Variants in BRD9 observed in about 807,000 individuals in gnomAD.
BRD9 encodes the protein bromodomain-containing protein 9.
In BRD9, 47 loss-of-function variants were observed where a neutral mutation model predicts 68.7. That is an observed-to-expected ratio of 0.68 (90% confidence interval 0.54 to 0.87). The LOEUF is 0.87. Among genes scored for constraint, BRD9 ranks in the 40% least tolerant of loss-of-function variants. The probability of loss-of-function intolerance (pLI) is 0.00; values close to 1 mark genes in which losing one functional copy is unlikely to be tolerated. For synonymous variants in BRD9, 313 were observed against 293.9 expected (o/e 1.06, Z -0.67); for missense variants, 670 against 748.4 (o/e 0.90, Z 1.22).
rs761178547 is a variant in BRD9 at position 889,058 on chromosome 5, A to G, written c.569T>C (p.Ile190Thr). The G allele has an allele frequency of 3.1e-6, 5 of 1,609,966 alleles. No individual in the cohort carries two copies. The African/African-American group carries it at 4.0e-5, about 13-fold the overall frequency. ...PMDFGTMKDK[I>T]VANEYKSVTE... ...AACTGACTTGTATTCATTAGCTACAATTTTGTCTTTCATGGTGCCAAAATC... is the reference window on the plus strand; with the variant it reads ...AACTGACTTGTATTCATTAGCTACAGTTTTGTCTTTCATGGTGCCAAAATC... The change falls in exon 5 of 16, where the codon ATT becomes ACT. Residue 190 changes from isoleucine to threonine, a missense_variant. Physicochemically the swap from Ile to Thr is moderately conservative, Grantham distance 89 (BLOSUM62 -1). This residue lies in a region of BRD9 where 94 missense variants were observed against 157.2 expected (regional missense o/e 0.60). Coordinates refer to ENST00000467963, the MANE Select transcript of BRD9 (RefSeq NM_023924.5).
At chr5:871,842 G>A (rs538003552) in intron 12 of BRD9, among the ~76,000 whole-genome samples, 4 of 152,340 alleles carry the variant, frequency 2.6e-5, no homozygotes, top group Non-Finnish European at 4.4e-5. Context: ...AGAGGACGCC[G>A]ATGCTGTTTC....
Position 863,966 on chromosome 5 carries a change from A to G in BRD9, c.*502T>C, listed in dbSNP as rs1748968974. ...GGACTGATACAGAATGAGGCCAGACACACCCATGCCTGTGCCTCCCAAGAG... is the reference window on the plus strand; with the variant it reads ...GGACTGATACAGAATGAGGCCAGACGCACCCATGCCTGTGCCTCCCAAGAG... On this transcript the variant is annotated 3_prime_UTR_variant, in exon 16 of 16. Transcript: ENST00000467963. The G allele has an allele frequency of 6.5e-6, 1 of 154,604 alleles. No individual in the cohort carries two copies. Among genetic ancestry groups the G allele is most frequent in the Non-Finnish European group, 1.4e-5 (1 of 69,526 alleles). The allele number at this position is 154,604 out of a possible 1,614,324, so 9.6% of individuals were successfully genotyped here.
chr5:878,304 G>A (rs1553985569), intron 11 of BRD9, 51 bp downstream of exon 11: 2 of 1,604,342 alleles, frequency 1.2e-6, no homozygotes, highest in South Asian at 2.2e-5. Context: ...CCACACCAGG[G>A]CACAGCTCAA....
rs970533311 is a variant in BRD9, at chr5:864,250, C to T, written c.*218G>A. ...TGTACAGAGACTCTCTCTGCTGACA[C>T]GATGGCCATATGGCCTTCGCGTATG... On this transcript the variant is annotated 3_prime_UTR_variant, in exon 16 of 16. Transcript: ENST00000467963. The T allele has an allele frequency of 6.4e-5, 27 of 420,296 alleles. No homozygotes were observed. Among genetic ancestry groups the T allele is most frequent in the African/African-American group, 2.4e-4 (12 of 49,372 alleles). 26.0% of individuals were successfully genotyped at this position (420,296 alleles called of 1,614,324 possible).
intron 11 of BRD9, among the ~76,000 whole-genome samples, chr5:876,796 G>A (rs930150077): frequency 6.6e-6 from 1 of 152,244 alleles, no homozygotes; most frequent in Non-Finnish European, 1.5e-5. Flanking sequence ...CCTTCACAGA[G>A]AGGAACAAGG....
chr5:892,712 G>A lies in BRD9; in HGVS notation c.-55C>T, dbSNP rs566005075. ...GGCTGGGAACAGCTGGCACCCGGTC[G>A]GACCTTGGCCGCCACCGCCCCCTGG... is the stretch of plus-strand genomic sequence containing the variant. On this transcript the variant is annotated 5_prime_UTR_variant, in exon 1 of 16. Coordinates refer to ENST00000467963, the MANE Select transcript of BRD9 (RefSeq NM_023924.5). 113 of 1,302,636 alleles carry A rather than the reference G, an allele frequency of 8.7e-5. No homozygotes were observed. The highest frequency in any genetic ancestry group is 9.9e-5 in the Non-Finnish European group (101 of 1,021,894). 80.7% of individuals were successfully genotyped at this position (1,302,636 alleles called of 1,614,324 possible).
At chr5:873,117 A>G (rs1024602504) in intron 12 of BRD9, among the ~76,000 whole-genome samples, 6 of 152,188 alleles carry the variant, frequency 3.9e-5, no homozygotes, top group East Asian at 1.9e-4. Flanking sequence ...GTGAGCCACA[A>G]TCACGCCACT....
At chr5:876,079 C>T (rs1750871119) in intron 12 of BRD9, 22 bp downstream of exon 12, 2 of 1,570,824 alleles carry the variant, frequency 1.3e-6, no homozygotes, top group Non-Finnish European at 1.7e-6. Context: ...TGCCCCCCAA[C>T]CCCGGTGCGA....
At chr5:889,291 T>C (rs957515566) in intron 4 of BRD9, 126 bp from the exon 5 acceptor site, 4 of 1,091,484 alleles carry the variant, frequency 3.7e-6, no homozygotes, top group African/African-American at 3.2e-5. Flanking sequence ...GTTACGAGCG[T>C]CTTTTAATTT....
At chr5:886,075 T>C (rs1752509217) in intron 7 of BRD9, among the ~76,000 whole-genome samples, 2 of 152,152 alleles carry the variant, frequency 1.3e-5, no homozygotes, top group Admixed American at 6.5e-5. Flanking sequence ...AGTCCTCACC[T>C]GCTTCCCCCG....
intron 9 of BRD9, among the ~76,000 whole-genome samples, chr5:880,833 A>G (rs1338016893): frequency 3.9e-5 from 6 of 152,208 alleles, no homozygotes; most frequent in African/African-American, 1.4e-4. Flanking sequence ...TTTGGCCTTA[A>G]AGGCCTCTCG....
chr5:875,073 G>C (rs1750703119), intron 12 of BRD9, among the ~76,000 whole-genome samples: 1 of 152,208 alleles, frequency 6.6e-6, no homozygotes, highest in African/African-American at 2.4e-5. Context: ...AAAATACAAT[G>C]CTGAAAATCA....
intron 11 of BRD9, 55 bp from the exon 12 acceptor site, chr5:876,267 C>T (rs573410698): frequency 2.0e-5 from 27 of 1,382,192 alleles, no homozygotes; most frequent in South Asian, 1.4e-4. Flanking sequence ...GCCTGGCCCT[C>T]GCGGCAGCCC....
At chr5:890,245 T>C (rs562005374) in intron 3 of BRD9, among the ~76,000 whole-genome samples, 2 of 152,116 alleles carry the variant, frequency 1.3e-5, no homozygotes, top group South Asian at 4.2e-4. Context: ...CCACAGGAGC[T>C]CAGAAGGCCA....
intron 12 of BRD9, among the ~76,000 whole-genome samples, chr5:873,573 T>C (rs1342745231): frequency 1.3e-5 from 2 of 150,908 alleles, no homozygotes; most frequent in African/African-American, 2.5e-5. Context: ...TCAGTTCTGC[T>C]TTCCTGAGAT....
intron 11 of BRD9, among the ~76,000 whole-genome samples, chr5:876,814 C>T (rs1416504187): frequency 6.6e-6 from 1 of 152,224 alleles, no homozygotes; most frequent in East Asian, 1.9e-4. Context: ...AGGATGGCTG[C>T]TGGTCAGAAG....
intron 2 of BRD9, 92 bp from the exon 3 acceptor site, chr5:891,379 C>A (rs1753368232): frequency 1.4e-6 from 2 of 1,479,130 alleles, no homozygotes; most frequent in Admixed American, 4.5e-5. Flanking sequence ...AGGGGAGGGA[C>A]AGAACTAAGG....
chr5:876,237 C>T (rs770678492), intron 11 of BRD9, 25 bp from the exon 12 acceptor site: 13 of 1,579,110 alleles, frequency 8.2e-6, no homozygotes, highest in South Asian at 2.2e-5. Context: ...GGAGAAGGTA[C>T]GCTGAAAGGA....
rs755946592 is a variant in BRD9 at position 889,627 on chromosome 5, T to A, written c.421A>T (p.Ile141Phe). The A allele has an allele frequency of 1.9e-6, 3 of 1,613,492 alleles. No homozygotes were observed. The highest frequency in any genetic ancestry group is 2.5e-6 in the Non-Finnish European group (3 of 1,179,740). ...AGGAAGTGTTCCAGGAGTTGCTGAA[T>A]AGGTGTGCTCTCATTTTCGGCTGAC... ...TQPAENESTP[I>F]QQLLEHFLRQ... is the part of the protein sequence containing the mutation. Residue 141 changes from isoleucine (I) to phenylalanine (F), a missense_variant, in exon 4 of 16, where the codon ATT becomes TTT. This residue lies in a region of BRD9 where 94 missense variants were observed against 157.2 expected (regional missense o/e 0.60). Coordinates refer to ENST00000467963, the MANE Select transcript of BRD9 (RefSeq NM_023924.5).
Sources: allele counts gnomAD v4.1 joint callset (sites outside exome capture counted in the v4.1 genomes callset), GRCh38; gene constraint gnomAD v4.1.1; regional missense constraint gnomAD v4.1.1; transcripts MANE v1.5; gene names NCBI Gene and HGNC (gene_info 2026-07-23, HGNC 2026-07-21).